The following IGSF1 variants were observed in gnomAD, a reference collection of about 807,000 sequenced individuals.
IGSF1 encodes the protein immunoglobulin-like domain-containing protein 1.
A neutral mutation model predicts 95.3 loss-of-function variants in IGSF1; 40 were observed. The observed-to-expected ratio is 0.42, with a 90% CI of 0.33 to 0.55. The LOEUF (loss-of-function observed/expected upper bound fraction) is 0.55, where lower values mean the gene tolerates loss of function less well. IGSF1 is among the 20% of genes least tolerant of loss of function. The pLI is 0.10. For missense variants in IGSF1, 906 were observed against 1,025.4 expected (o/e 0.88, Z 1.59); for synonymous variants, 372 against 382.9 (o/e 0.97, Z 0.33).
intron 5 of IGSF1, 100 bp downstream of exon 5, chrX:131,285,079 A>C (rs769459579): frequency 1.2e-5 from 13 of 1,123,849 alleles, no homozygotes; most frequent in Non-Finnish European, 1.3e-5. Flanking sequence ...TGCAGGGCCT[A>C]GAAACTGGCT....
rs756639396 is a variant in IGSF1, at chrX:131,276,013, G to A, written c.2844C>T (p.Thr948=). The change falls in exon 15 of 20, where the codon ACC becomes ACT. Residue 948 remains threonine (T), a synonymous_variant. Transcript: ENST00000361420. ...TGAGATATGACCCCCTGTTTGACATGGTTGTCTCATAGTAGATACAGCTAT... is the reference window on the plus strand; with the variant it reads ...TGAGATATGACCCCCTGTTTGACATAGTTGTCTCATAGTAGATACAGCTAT... ...GNYSCIYYET[T]MSNRGSYLSM... is the part of the protein sequence containing the mutation. The A allele has an allele frequency of 4.9e-5, 59 of 1,208,858 alleles. No individual in the cohort carries two copies. Among genetic ancestry groups the A allele is most frequent in the Non-Finnish European group, 5.6e-5 (50 of 894,234 alleles).
chrX:131,282,488 G>T lies in IGSF1; in HGVS notation c.1202C>A (p.Ser401Tyr). The change falls in exon 7 of 20, where the codon TCC becomes TAC. Residue 401 changes from serine to tyrosine, a missense_variant. This residue lies in a region of IGSF1 where 442 missense variants were observed against 448.1 expected (regional missense o/e 0.99). Coordinates refer to ENST00000361420, the MANE Select transcript of IGSF1 (RefSeq NM_001555.5). ...AGTGTTGTGTGATGGCATCCTAATG[G>T]AGGTCTTCCAGGTGAGAAGATAGTG... Reference protein sequence around the residue: ...SCHYLLTWKTSIRMPSHNTVE... With the variant: ...SCHYLLTWKTYIRMPSHNTVE... 8.3e-7 allele frequency: 1 copy of T among 1,208,219 alleles called. No individual in the cohort carries two copies. Among genetic ancestry groups the T allele is most frequent in the Non-Finnish European group, 1.1e-6 (1 of 892,099 alleles).
chrX:131,275,347 G>A lies in IGSF1; in HGVS notation c.3185-61C>T, dbSNP rs887866795. ...TCACTTTCCAGTGCATCACCCCTGG[G>A]GTCTCTGCTCAATAAAGAGGAAAGG... On this transcript the variant is annotated intron_variant, in intron 16 of 19. Transcript: ENST00000361420. 11 of 1,149,082 alleles carry A rather than the reference G, an allele frequency of 9.6e-6. No homozygotes were observed. In the African/African-American group the frequency reaches 1.6e-4, roughly 17 times the overall value. The allele number at this position is 1,149,082 out of a possible 1,213,427, so 94.7% of individuals were successfully genotyped here.
intron 9 of IGSF1, among the ~76,000 whole-genome samples, chrX:131,279,912 A>G (rs1292095408): frequency 8.9e-6 from 1 of 111,958 alleles, no homozygotes; most frequent in Non-Finnish European, 1.9e-5. Context: ...CAGAGAGTAG[A>G]AACTCTCCCC....
chrX:131,274,013 G>C, intron 19 of IGSF1, 70 bp downstream of exon 19: 1 of 1,203,530 alleles, frequency 8.3e-7, no homozygotes, highest in Non-Finnish European at 1.1e-6. Flanking sequence ...TACTAGGGGA[G>C]CATTTGTATG....
At chrX:131,284,554 A>G (rs2080605951) in intron 5 of IGSF1, 2 of 753,141 alleles carry the variant, frequency 2.7e-6, no homozygotes, top group Non-Finnish European at 3.1e-6. Flanking sequence ...CCTCCAGGCC[A>G]TGGGGTGGGG....
In IGSF1 at chrX:131,273,907, G is replaced by A; in HGVS notation, c.3900C>T (p.Asp1300=). 1 of 1,210,119 alleles carries A rather than the reference G, an allele frequency of 8.3e-7. No individual in the cohort carries two copies. Among genetic ancestry groups the A allele is most frequent in the Non-Finnish European group, 1.1e-6 (1 of 894,624 alleles). The change falls in exon 20 of 20, where the codon GAC becomes GAT. Residue 1300 remains aspartate, a synonymous_variant. Coordinates refer to ENST00000361420, the MANE Select transcript of IGSF1 (RefSeq NM_001555.5). ...TACACTCTTCAAGGGCAATGGTCTG[G>A]TCTCTTCCGTCTGTCTCTGAGCCTC... ...RTRGSETDGR[D]QTIALEECNQ... is the part of the protein sequence containing the mutation.
At chrX:131,275,836 A>AT in intron 15 of IGSF1, 71 bp from the exon 16 acceptor site, 6 of 1,158,993 alleles carry the variant, frequency 5.2e-6, no homozygotes, top group Non-Finnish European at 7.0e-6. Flanking sequence ...TTAACACTCT[A>AT]TCTTTCTCCT....
chrX:131,277,828 T>G, intron 13 of IGSF1, 28 bp downstream of exon 13: 3 of 993,436 alleles, frequency 3.0e-6, no homozygotes, highest in Non-Finnish European at 4.2e-6. Flanking sequence ...CCCTGCCCCC[T>G]TTCCTCCCAC....
intron 1 of IGSF1, among the ~76,000 whole-genome samples, chrX:131,288,189 G>T: frequency 8.9e-6 from 1 of 112,797 alleles, no homozygotes; most frequent in Admixed American, 9.3e-5. Flanking sequence ...TATCTGTAAA[G>T]TGGAGGAGTA....
chrX:131,274,306 C>T (rs2080450646), intron 18 of IGSF1, 100 bp from the exon 19 acceptor site: 2 of 1,042,986 alleles, frequency 1.9e-6, no homozygotes, highest in Admixed American at 4.6e-5. Context: ...CTTTAGGGTT[C>T]ACGTGGGAGC....
At chrX:131,279,026 C>T (rs2080515782) in intron 11 of IGSF1, 117 bp downstream of exon 11, 1 of 822,561 alleles carries the variant, frequency 1.2e-6, no homozygotes. Context: ...AGCAAGTGCC[C>T]CTTCCTGGCT....
At chrX:131,280,195 C>T (rs1196772384) in intron 9 of IGSF1, among the ~76,000 whole-genome samples, 4 of 108,730 alleles carry the variant, frequency 3.7e-5, no homozygotes, top group Non-Finnish European at 7.6e-5. Flanking sequence ...CTAATGAGTA[C>T]GGGACCCAGG....
Position 131,285,384 on chromosome X carries a change from G to A in IGSF1, c.462C>T (p.Gly154=), listed in dbSNP as rs747695427. Residue 154 remains glycine, a synonymous_variant, in exon 5 of 20, where the codon GGC becomes GGT. Coordinates refer to ENST00000361420, the MANE Select transcript of IGSF1 (RefSeq NM_001555.5). ...PGCNVNILCH[G]WLQDLVFMLF... is the part of the protein sequence containing the mutation. ...GCATGAATACCAAATCCTGCAGCCA[G>A]CCATGGCAGAGGATGTTAACATTAC... The A allele has an allele frequency of 8.3e-7, 1 of 1,211,285 alleles. No individual in the cohort carries two copies. Among genetic ancestry groups the A allele is most frequent in the Admixed American group, 2.2e-5 (1 of 46,099 alleles).
At chrX:131,279,097 G>A (rs188854607) in intron 11 of IGSF1, 46 bp downstream of exon 11, 52 of 1,124,591 alleles carry the variant, frequency 4.6e-5, no homozygotes, top group Middle Eastern at 4.8e-4. Context: ...TAGTTATTTC[G>A]GATCTCCAGG....
In IGSF1 at chrX:131,278,706, T is replaced by G. The variant is rs146462069; in HGVS notation, c.1796A>C (p.Asn599Thr). 14,023 of 1,209,566 alleles carry G rather than the reference T, an allele frequency of 0.012. 63 individuals carry two copies. The highest frequency in any genetic ancestry group is 0.013 in the Non-Finnish European group (11,970 of 894,656). ...GTTCTTCCACGGGGCCAGAGGAAAG[T>G]TGGTCTCTGCCCACAGCTCAGGCTT... ...TPKPELWAETNFPLAPWKNLT... is the reference protein window; with the variant it reads ...TPKPELWAETTFPLAPWKNLT... The change falls in exon 12 of 20, where the codon AAC becomes ACC. Residue 599 changes from asparagine to threonine, a missense_variant. Physicochemically the swap from Asn to Thr is moderately conservative, Grantham distance 65. Around this residue, in one of 5 missense-constraint regions of IGSF1, gnomAD observed 3 missense variants for 16.8 expected, o/e 0.18. Transcript: ENST00000361420.
At chrX:131,284,959 T>C (rs1173814416) in intron 5 of IGSF1, 2 of 744,506 alleles carry the variant, frequency 2.7e-6, no homozygotes, top group African/African-American at 2.2e-5. Flanking sequence ...GCCAGTTGGC[T>C]GGGCTCCTTT....
chrX:131,274,451 T>C, intron 18 of IGSF1, 148 bp downstream of exon 18: 2 of 668,194 alleles, frequency 3.0e-6, no homozygotes, highest in Admixed American at 3.4e-5. Context: ...AGGTCCCACC[T>C]CCTCATCATC....
chrX:131,288,003 C>T lies in IGSF1; in HGVS notation c.-68+1211G>A, dbSNP rs746642184. On this transcript the variant is annotated intron_variant, in intron 1 of 19. Transcript: ENST00000361420. The stretch of plus-strand genomic sequence containing the variant: ...ACCTTGGACCTCAGCCTCAAACTTG[C>T]CCCAGTGCTAACACTGGGTAGGATG... Among the ~76,000 whole-genome samples, 14 of 111,865 alleles carry T rather than the reference C, an allele frequency of 1.3e-4. No homozygotes were observed. In the South Asian group the frequency reaches 4.6e-3, roughly 36 times the overall value.
Sources: allele counts gnomAD v4.1 joint callset (sites outside exome capture counted in the v4.1 genomes callset), GRCh38; gene constraint gnomAD v4.1.1; regional missense constraint gnomAD v4.1.1; transcripts MANE v1.5; gene names NCBI Gene and HGNC (gene_info 2026-07-23, HGNC 2026-07-21).